Variants in ASTN2 observed in about 807,000 individuals in gnomAD.
ASTN2 encodes the protein astrotactin 2.
ASTN2 carries 54 observed loss-of-function variants against 139.8 expected under a neutral mutation model. The ratio of observed to expected loss-of-function variants is 0.39; its 90% CI spans 0.31 to 0.48. The LOEUF (loss-of-function observed/expected upper bound fraction) is 0.48. ASTN2 is among the 20% of genes least tolerant of loss of function. ASTN2 has a pLI of 0.95. For synonymous variants in ASTN2, 756 were observed against 719.5 expected, an observed-to-expected ratio of 1.05 and a Z score of -0.81; for missense variants, 1,565 against 1,725.1, an observed-to-expected ratio of 0.91 and a Z score of 1.64.
chr9:116,573,513 T>C (rs1237893153), intron 19 of ASTN2, among the ~76,000 whole-genome samples: 1 of 152,206 alleles, frequency 6.6e-6, no homozygotes, highest in Non-Finnish European at 1.5e-5. Context: ...ATAATGGATT[T>C]TTTTTCCAGA....
chr9:117,381,240 T>C (rs1431688406), intron 1 of ASTN2, among the ~76,000 whole-genome samples: 1 of 151,878 alleles, frequency 6.6e-6, no homozygotes, highest in African/African-American at 2.4e-5. Context: ...AAAAGAGGAG[T>C]GACTGCTAAT....
At chr9:117,339,021 G>T (rs1289448163) in intron 1 of ASTN2, among the ~76,000 whole-genome samples, 3 of 152,030 alleles carry the variant, frequency 2.0e-5, no homozygotes, top group Non-Finnish European at 4.4e-5. Flanking sequence ...TGATGATGGG[G>T]GAGCTGTAGA....
intron 2 of ASTN2, among the ~76,000 whole-genome samples, chr9:117,281,749 C>T (rs1030640605): frequency 2.0e-5 from 3 of 152,028 alleles, no homozygotes; most frequent in African/African-American, 7.2e-5. Context: ...GTCTCTGGAT[C>T]TCCCCTCTCC....
chr9:117,385,351 C>T (rs1015034899), intron 1 of ASTN2, among the ~76,000 whole-genome samples: 1 of 152,062 alleles, frequency 6.6e-6, no homozygotes, highest in East Asian at 1.9e-4. Flanking sequence ...GGAAACCATA[C>T]AGTGTTAAAA....
intron 22 of ASTN2, among the ~76,000 whole-genome samples, chr9:116,438,185 T>C (rs1005298917): frequency 6.6e-6 from 1 of 152,246 alleles, no homozygotes; most frequent in African/African-American, 2.4e-5. Flanking sequence ...TAGAATGCTA[T>C]GCTGTCTTCC....
chr9:116,736,625 C>T (rs1828934669), intron 13 of ASTN2, among the ~76,000 whole-genome samples: 1 of 152,174 alleles, frequency 6.6e-6, no homozygotes, highest in Non-Finnish European at 1.5e-5. Context: ...CTCTATGTGA[C>T]CTCTTCAAGC....
At chr9:116,649,761 CCTT>C (rs67246681) in intron 17 of ASTN2, among the ~76,000 whole-genome samples, 18,629 of 151,896 alleles carry the variant, frequency 0.12, 1,195 homozygotes, top group East Asian at 0.15. Flanking sequence ...ACAGAGGCCT[CCTT>C]CTGCCACACA....
chr9:117,015,152 A>G (rs1837638801), intron 6 of ASTN2, among the ~76,000 whole-genome samples: 1 of 152,062 alleles, frequency 6.6e-6, no homozygotes, highest in South Asian at 2.1e-4. Context: ...CTAGGACTAC[A>G]GAGACACTAC....
chr9:116,725,081 C>T (rs956106723), intron 16 of ASTN2, among the ~76,000 whole-genome samples: 3 of 152,176 alleles, frequency 2.0e-5, no homozygotes, highest in Admixed American at 2.0e-4. Context: ...AACCACTTAT[C>T]TTTAATGTGA....
chr9:117,064,416 G>T (rs1393916810), intron 5 of ASTN2, among the ~76,000 whole-genome samples: 1 of 152,110 alleles, frequency 6.6e-6, no homozygotes, highest in Non-Finnish European at 1.5e-5. Flanking sequence ...TATCAAATGG[G>T]GAAACTGGGA....
At chr9:117,053,486 T>C (rs1483826649) in intron 5 of ASTN2, among the ~76,000 whole-genome samples, 1 of 151,950 alleles carries the variant, frequency 6.6e-6, no homozygotes, top group Non-Finnish European at 1.5e-5. Context: ...TGGGGGTAAA[T>C]AGCATTATGC....
rs1564295723 is a variant in ASTN2 at position 116,838,118 on chromosome 9, T to TTG, written c.2041-17336_2041-17335insCA. Among the ~76,000 whole-genome samples the TTG allele has an allele frequency of 5.8e-5, 8 of 138,904 alleles. No homozygotes were observed. The South Asian group carries it at 1.5e-3, about 25-fold the overall frequency. 91.1% of individuals were successfully genotyped at this position (138,904 alleles called of 152,430 possible). ...CTGGCTGTGTTTTTTTTTGTTTTGT[T>TTG]TTGTTTTTTGAGACAGAGTCACGCT... On this transcript the variant is annotated intron_variant, in intron 11 of 22. Transcript: ENST00000313400.
intron 1 of ASTN2, among the ~76,000 whole-genome samples, chr9:117,293,355 A>T (rs1834643310): frequency 1.3e-5 from 2 of 152,296 alleles, no homozygotes; most frequent in African/African-American, 4.8e-5. Flanking sequence ...GCCAAGCAAA[A>T]GTCATCTCAC....
chr9:116,699,779 A>G lies in ASTN2; in HGVS notation c.2806+25992T>C, dbSNP rs1381686841. On this transcript the variant is annotated intron_variant, in intron 16 of 22. Coordinates refer to ENST00000313400, the MANE Select transcript of ASTN2 (RefSeq NM_001365068.1). This position sits in a 1 kb window ranked among gnomAD's most constrained non-coding sequence, Gnocchi z 4.2. ...CTTAGTTCTTGGTTGTTAGTGGCAC[A>G]TGCAGAATAGACTCAGCCTATGTCC... 6.3e-7 allele frequency: 1 copy of G among 1,599,268 alleles called. No individual in the cohort carries two copies. The highest frequency in any genetic ancestry group is 8.6e-7 in the Non-Finnish European group (1 of 1,167,836).
chr9:117,164,956 T>A (rs946959219), intron 3 of ASTN2, among the ~76,000 whole-genome samples: 5 of 152,096 alleles, frequency 3.3e-5, no homozygotes, highest in African/African-American at 1.2e-4. Flanking sequence ...TATGGCCATT[T>A]TACAGTTGAA....
At chr9:117,053,476 T>G (rs1838973477) in intron 5 of ASTN2, among the ~76,000 whole-genome samples, 1 of 151,940 alleles carries the variant, frequency 6.6e-6, no homozygotes, top group African/African-American at 2.4e-5. Flanking sequence ...AATGATCTTC[T>G]GGGGGTAAAT....
chr9:116,874,422 C>T (rs561512771), intron 10 of ASTN2, among the ~76,000 whole-genome samples: 11 of 152,166 alleles, frequency 7.2e-5, no homozygotes, highest in South Asian at 6.2e-4. Flanking sequence ...TGCAGCTGTT[C>T]GCTGAATAAG....
chr9:116,563,188 A>T (rs1395842581), intron 19 of ASTN2, among the ~76,000 whole-genome samples: 2 of 152,016 alleles, frequency 1.3e-5, no homozygotes, highest in Non-Finnish European at 2.9e-5. Context: ...ATCCTGGCTA[A>T]CACGGTGAAA....
rs1465110994 is a variant in ASTN2 at position 117,294,676 on chromosome 9, C to CCATACA, written c.443-3169_443-3164dup. Among the ~76,000 whole-genome samples, 3 of 152,174 alleles carry CCATACA rather than the reference C, an allele frequency of 2.0e-5. No homozygotes were observed. The East Asian group carries it at 5.8e-4, about 29-fold the overall frequency. ...AATGTCTCCTTGCCCATGTTACTGT[C>CCATACA]CATACACATACACACTCTCCATTGA... is the stretch of plus-strand genomic sequence containing the variant. On this transcript the variant is annotated intron_variant, in intron 1 of 22. Coordinates refer to ENST00000313400, the MANE Select transcript of ASTN2 (RefSeq NM_001365068.1).
Sources: gnomAD v4.1 joint callset for allele counts (sites outside exome capture counted in the v4.1 genomes callset) on GRCh38, gnomAD v4.1.1 for gene constraint, Gnocchi (gnomAD v3.1) non-coding constraint, MANE v1.5 for transcripts, NCBI Gene and HGNC (gene_info 2026-07-23, HGNC 2026-07-21) for gene names.